Variants in ERBB4 observed in about 807,000 individuals in gnomAD.
ERBB4 encodes erb-b2 receptor tyrosine kinase 4, also known as receptor tyrosine-protein kinase erbB-4.
A neutral mutation model predicts 158.0 loss-of-function variants in ERBB4; 42 were observed. The observed-to-expected ratio is 0.27, with a 90% CI of 0.21 to 0.34. ERBB4 has a LOEUF of 0.34. Ranked by LOEUF, ERBB4 falls within the 10% of genes least tolerant of loss-of-function variation. The probability of loss-of-function intolerance (pLI) is 1.00; values close to 1 mark genes in which losing one functional copy is unlikely to be tolerated. For missense variants in ERBB4, 1,333 were observed against 1,624.1 expected, an observed-to-expected ratio of 0.82 and a Z score of 3.08; for synonymous variants, 583 against 558.7, an observed-to-expected ratio of 1.04 and a Z score of -0.61.
chr2:212,202,502 C>T (rs1376776301), intron 1 of ERBB4, among the ~76,000 whole-genome samples: 3 of 152,020 alleles, frequency 2.0e-5, no homozygotes, highest in Non-Finnish European at 1.5e-5. Flanking sequence ...GCATGAGCCA[C>T]CATGTCTGGG....
At chr2:212,017,409 TG>T (rs1389306752) in intron 2 of ERBB4, among the ~76,000 whole-genome samples, 1 of 152,010 alleles carries the variant, frequency 6.6e-6, no homozygotes, top group Admixed American at 6.6e-5. Flanking sequence ...ATGAAAAGGT[TG>T]AAAAGAATCT....
chr2:211,634,429 C>T (rs764154253), intron 16 of ERBB4, among the ~76,000 whole-genome samples: 2 of 152,046 alleles, frequency 1.3e-5, no homozygotes, highest in African/African-American at 2.4e-5. Context: ...AAAGTTAATA[C>T]TATTTTCACA....
At chr2:212,497,129 G>C (rs1560483639) in intron 1 of ERBB4, among the ~76,000 whole-genome samples, 1 of 136,006 alleles carries the variant, frequency 7.4e-6, no homozygotes, top group South Asian at 2.4e-4. Context: ...AGTGAGCCGA[G>C]ATCACACCAT....
At chr2:211,624,132 T>C in intron 17 of ERBB4, 88 bp from the exon 18 acceptor site, 1 of 1,477,714 alleles carries the variant, frequency 6.8e-7, no homozygotes. Flanking sequence ...TCTTTGGTTC[T>C]CTTTCTTACA....
intron 1 of ERBB4, among the ~76,000 whole-genome samples, chr2:212,301,495 G>A (rs2086620213): frequency 6.6e-6 from 1 of 151,312 alleles, no homozygotes; most frequent in African/African-American, 2.4e-5. Flanking sequence ...ATGTGACTCT[G>A]AAATAGTTTA....
intron 20 of ERBB4, among the ~76,000 whole-genome samples, chr2:211,448,387 A>G (rs2064163318): frequency 6.6e-6 from 1 of 152,160 alleles, no homozygotes; most frequent in Non-Finnish European, 1.5e-5. Context: ...ACTAACTTTG[A>G]GCAAGGTGTT....
intron 1 of ERBB4, among the ~76,000 whole-genome samples, chr2:212,169,466 A>T (rs1317251180): frequency 6.6e-6 from 1 of 152,192 alleles, no homozygotes; most frequent in Non-Finnish European, 1.5e-5. Flanking sequence ...ATATGCAGAA[A>T]ATCGAAACTG....
chr2:212,017,619 C>T (rs1025007338), intron 2 of ERBB4, among the ~76,000 whole-genome samples: 1 of 152,060 alleles, frequency 6.6e-6, no homozygotes, highest in Non-Finnish European at 1.5e-5. Flanking sequence ...ATCTAATTTT[C>T]CTTGGGCATT....
chr2:212,026,981 CAATA>C (rs2076787515), intron 2 of ERBB4, among the ~76,000 whole-genome samples: 1 of 151,752 alleles, frequency 6.6e-6, no homozygotes. Flanking sequence ...TTGATACTAA[CAATA>C]ATTAATTAAT....
At chr2:211,478,201 ATC>A (rs1476417886) in intron 20 of ERBB4, among the ~76,000 whole-genome samples, 6 of 152,154 alleles carry the variant, frequency 3.9e-5, no homozygotes, top group African/African-American at 1.4e-4. Context: ...ACACAGCACT[ATC>A]TATACCAGAA....
intron 20 of ERBB4, among the ~76,000 whole-genome samples, chr2:211,469,354 G>A (rs1201980522): frequency 6.6e-6 from 1 of 152,066 alleles, no homozygotes; most frequent in Non-Finnish European, 1.5e-5. Context: ...GGGATGCAGT[G>A]GTAAATAAGA....
chr2:211,842,112 G>A (rs1168214083), intron 3 of ERBB4, among the ~76,000 whole-genome samples: 1 of 151,934 alleles, frequency 6.6e-6, no homozygotes, highest in Non-Finnish European at 1.5e-5. Flanking sequence ...AAATTAAGTT[G>A]CCGATTATAG....
At chr2:211,727,398 T>C (rs570071613) in intron 5 of ERBB4, among the ~76,000 whole-genome samples, 3 of 152,228 alleles carry the variant, frequency 2.0e-5, no homozygotes, top group South Asian at 4.1e-4. Flanking sequence ...AAGTTTATTG[T>C]CTTACTTAAG....
At chr2:211,909,724 T>C (rs907135679) in intron 3 of ERBB4, among the ~76,000 whole-genome samples, 4 of 151,784 alleles carry the variant, frequency 2.6e-5, no homozygotes, top group African/African-American at 9.6e-5. Context: ...TGTTGTTAGG[T>C]GGCACATGAC....
At chr2:211,657,565 G>A in intron 16 of ERBB4, 189 bp downstream of exon 16, 4 of 608,792 alleles carry the variant, frequency 6.6e-6, no homozygotes, top group Non-Finnish European at 1.2e-5. Flanking sequence ...GTATCACAAT[G>A]AATGAAGGAA....
At chr2:212,191,808 A>C (rs2082242477) in intron 1 of ERBB4, among the ~76,000 whole-genome samples, 1 of 139,812 alleles carries the variant, frequency 7.2e-6, no homozygotes, top group Non-Finnish European at 1.6e-5. Flanking sequence ...GTTATATATA[A>C]TACATGTTAT....
At chr2:212,119,416 G>T (rs1031977764) in intron 2 of ERBB4, among the ~76,000 whole-genome samples, 2 of 152,132 alleles carry the variant, frequency 1.3e-5, no homozygotes, top group African/African-American at 4.8e-5. Context: ...GCCAGCAGTA[G>T]CAAAGAAGAC....
At chr2:211,858,943 G>C (rs1206601521) in intron 3 of ERBB4, among the ~76,000 whole-genome samples, 1 of 151,926 alleles carries the variant, frequency 6.6e-6, no homozygotes, top group East Asian at 1.9e-4. Flanking sequence ...CACCACACCA[G>C]GCTAATTTTT....
chr2:212,094,095 A>C lies in ERBB4; in HGVS notation c.234+30657T>G, dbSNP rs918207099. 3.9e-5 allele frequency among the ~76,000 whole-genome samples: 6 copies of C among 151,948 alleles called. No individual in the cohort carries two copies. The East Asian group carries it at 1.2e-3, about 29-fold the overall frequency. On this transcript the variant is annotated intron_variant, in intron 2 of 27. Transcript: ENST00000342788. ...GGTTTGGATGTTCTATCCCCTCCAAATCTCATGTTGAAATGCAGTCCCCTA... is the reference window on the plus strand; with the variant it reads ...GGTTTGGATGTTCTATCCCCTCCAACTCTCATGTTGAAATGCAGTCCCCTA...
Sources: gnomAD v4.1 joint callset for allele counts (sites outside exome capture counted in the v4.1 genomes callset) on GRCh38, gnomAD v4.1.1 for gene constraint, MANE v1.5 for transcripts, NCBI Gene and HGNC (gene_info 2026-07-23, HGNC 2026-07-21) for gene names.